Variants in LPXN observed in about 807,000 individuals in gnomAD.
LPXN encodes leupaxin.
In LPXN, 28 loss-of-function variants were observed where a neutral mutation model predicts 45.6. The observed-to-expected ratio is 0.61, with a 90% CI of 0.45 to 0.84. The LOEUF is 0.84. Among genes scored for constraint, LPXN ranks in the 40% least tolerant of loss-of-function variants. The probability of loss-of-function intolerance (pLI) is 0.00; values close to 1 mark genes in which losing one functional copy is unlikely to be tolerated. For synonymous variants in LPXN, 166 were observed against 169.9 expected, an observed-to-expected ratio of 0.98 and a Z score of 0.18; for missense variants, 459 against 475.0, an observed-to-expected ratio of 0.97 and a Z score of 0.31.
chr11:58,529,522 A>G (rs947137587), intron 7 of LPXN, among the ~76,000 whole-genome samples: 1 of 151,500 alleles, frequency 6.6e-6, no homozygotes, highest in Admixed American at 6.6e-5. Flanking sequence ...AGGCAGGAGA[A>G]TGGCGTAAAC....
chr11:58,541,688 A>G (rs61889502), intron 7 of LPXN, among the ~76,000 whole-genome samples: 3 of 150,282 alleles, frequency 2.0e-5, no homozygotes, highest in Admixed American at 6.7e-5. Flanking sequence ...TCCCATTACT[A>G]GGTATATACC....
chr11:58,557,494 CTT>C (rs1302425808), intron 3 of LPXN, among the ~76,000 whole-genome samples: 5 of 152,122 alleles, frequency 3.3e-5, no homozygotes, highest in Non-Finnish European at 7.4e-5. Context: ...GTGGAATCCT[CTT>C]TTGTCATTTA....
chr11:58,537,938 A>G (rs1853602301), intron 7 of LPXN, among the ~76,000 whole-genome samples: 1 of 103,030 alleles, frequency 9.7e-6, no homozygotes, highest in South Asian at 3.8e-4. Context: ...CCACCCCACA[A>G]CAGTCCCCAG....
upstream of LPXN, chr11:58,578,234 C>A: frequency 1.5e-6 from 1 of 654,830 alleles, no homozygotes; most frequent in South Asian, 2.0e-5. Flanking sequence ...GCACGCGTCG[C>A]GACCTAACCC....
At chr11:58,561,694 T>C (rs1854383231) in intron 3 of LPXN, among the ~76,000 whole-genome samples, 1 of 152,236 alleles carries the variant, frequency 6.6e-6, no homozygotes, top group African/African-American at 2.4e-5. Flanking sequence ...GGCTTGTATA[T>C]TCCTAAAAAA....
intron 3 of LPXN, among the ~76,000 whole-genome samples, chr11:58,556,625 A>G (rs1854211634): frequency 6.6e-6 from 1 of 152,148 alleles, no homozygotes. Flanking sequence ...ATGTAAGATA[A>G]ATGACTGAAC....
chr11:58,569,194 A>C (rs1854606646), intron 2 of LPXN, among the ~76,000 whole-genome samples: 2 of 152,236 alleles, frequency 1.3e-5, no homozygotes, highest in Non-Finnish European at 2.9e-5. Flanking sequence ...AAAATATCAT[A>C]GTACAAAATT....
chr11:58,527,932 C>T lies in LPXN; in HGVS notation c.891+111G>A, dbSNP rs924646124. The T allele has an allele frequency of 1.1e-5, 14 of 1,298,916 alleles. No homozygotes were observed. In the Admixed American group the frequency reaches 2.8e-4, roughly 26 times the overall value. 80.5% of individuals were successfully genotyped at this position (1,298,916 alleles called of 1,614,324 possible). Reference sequence around the variant, plus strand: ...TCTCGTTTCTCCTTTAGGATGCGCACATCCATTCCTCATTCAGGACTGTGA... The same window carrying T: ...TCTCGTTTCTCCTTTAGGATGCGCATATCCATTCCTCATTCAGGACTGTGA... On this transcript the variant is annotated intron_variant, in intron 8 of 8. Transcript: ENST00000395074.
chr11:58,577,923 G>C, upstream of LPXN: 1 of 1,383,046 alleles, frequency 7.2e-7, no homozygotes, highest in East Asian at 2.6e-5. Flanking sequence ...CAACTGAGTA[G>C]TGGGCCTTGT....
At chr11:58,577,981 C>T (rs1348483519), upstream of LPXN, 1 of 1,549,068 alleles carries the variant, frequency 6.5e-7, no homozygotes, top group Non-Finnish European at 8.7e-7. Context: ...GATTTAGTCG[C>T]TGACCTCTAG....
At chr11:58,548,920 T>C (rs536432610) in intron 7 of LPXN, among the ~76,000 whole-genome samples, 76 of 152,322 alleles carry the variant, frequency 5.0e-4, no homozygotes, top group South Asian at 3.5e-3. Flanking sequence ...CACTTAATAC[T>C]GATCTAACCT....
chr11:58,527,786 T>C, intron 8 of LPXN, 63 bp from the exon 9 acceptor site: 1 of 1,512,440 alleles, frequency 6.6e-7, no homozygotes, highest in Non-Finnish European at 9.0e-7. Context: ...GTCAGCAAAG[T>C]AAAATTTTCA....
intron 1 of LPXN, among the ~76,000 whole-genome samples, chr11:58,571,828 T>C (rs1430089656): frequency 6.6e-6 from 1 of 152,196 alleles, no homozygotes; most frequent in African/African-American, 2.4e-5. Flanking sequence ...TGTCCTTATT[T>C]TGTAGATCAC....
chr11:58,532,979 G>A (rs991903622), intron 7 of LPXN, among the ~76,000 whole-genome samples: 8 of 151,360 alleles, frequency 5.3e-5, no homozygotes, highest in Non-Finnish European at 1.0e-4. Context: ...CAGGAGGAAT[G>A]AACAACTCCA....
chr11:58,569,016 A>C (rs1854600943), intron 2 of LPXN, among the ~76,000 whole-genome samples: 2 of 152,216 alleles, frequency 1.3e-5, no homozygotes, highest in African/African-American at 4.8e-5. Flanking sequence ...TACAGCTATA[A>C]TCTAACACTG....
At chr11:58,536,548 T>C (rs1853559726) in intron 7 of LPXN, among the ~76,000 whole-genome samples, 1 of 152,108 alleles carries the variant, frequency 6.6e-6, no homozygotes, top group Admixed American at 6.6e-5. Flanking sequence ...CCTAAAACCA[T>C]AAAATTCCTA....
Position 58,527,450 on chromosome 11 carries a change from G to A in LPXN, c.*4C>T. 6.2e-7 allele frequency: 1 copy of A among 1,613,952 alleles called. No homozygotes were observed. The highest frequency in any genetic ancestry group is 1.1e-5 in the South Asian group (1 of 91,070). ...AATCTGAAGAGGCTATGGATCAGTT[G>A]GCATTACAGTGGGAAGAGCTTATTG... On this transcript the variant is annotated 3_prime_UTR_variant, in exon 9 of 9. Coordinates refer to ENST00000395074, the MANE Select transcript of LPXN (RefSeq NM_004811.3).
intron 1 of LPXN, among the ~76,000 whole-genome samples, chr11:58,572,104 CCA>C (rs979940481): frequency 2.0e-5 from 3 of 152,032 alleles, no homozygotes; most frequent in African/African-American, 7.3e-5. Context: ...GGACTTCTTA[CCA>C]CAGATTTTAG....
At chr11:58,575,715 C>CA in intron 1 of LPXN, 45 bp downstream of exon 1, 1 of 1,611,268 alleles carries the variant, frequency 6.2e-7, no homozygotes. Context: ...AGATGGCAGC[C>CA]AAGTCTTCAC....
Sources: allele counts gnomAD v4.1 joint callset (sites outside exome capture counted in the v4.1 genomes callset), GRCh38; gene constraint gnomAD v4.1.1; transcripts MANE v1.5; gene names NCBI Gene and HGNC (gene_info 2026-07-23, HGNC 2026-07-21).